The following PRDM1 variants were observed in gnomAD, a reference collection of about 807,000 sequenced individuals.
The protein encoded by PRDM1 is PR domain zinc finger protein 1.
A neutral mutation model predicts 62.8 loss-of-function variants in PRDM1; 13 were observed. That is an observed-to-expected ratio of 0.21 (90% CI 0.13 to 0.33). PRDM1 has a LOEUF of 0.33. Among genes scored for constraint, PRDM1 ranks in the 10% least tolerant of loss-of-function variants. The pLI is 1.00. For missense variants in PRDM1, 895 were observed against 1,058.8 expected (o/e 0.85, Z 2.15); for synonymous variants, 396 against 417.6 (o/e 0.95, Z 0.63).
intron 1 of PRDM1, among the ~76,000 whole-genome samples, chr6:106,075,597 T>C (rs1213624615): frequency 6.6e-6 from 1 of 152,240 alleles, no homozygotes; most frequent in Middle Eastern, 3.2e-3. Context: ...ATCACCCTCA[T>C]TTTTTCACAT....
upstream of PRDM1, among the ~76,000 whole-genome samples, chr6:106,048,422 A>AGT (rs1215866262): frequency 1.3e-5 from 2 of 151,966 alleles, no homozygotes; most frequent in African/African-American, 4.8e-5. Context: ...AAGCAATATG[A>AGT]GTGTGTAGTT....
upstream of PRDM1, among the ~76,000 whole-genome samples, chr6:106,044,348 A>G (rs1202330130): frequency 3.9e-5 from 6 of 152,172 alleles, no homozygotes; most frequent in Non-Finnish European, 5.9e-5. Context: ...AATACTAGGT[A>G]AATTTTGGCA....
At chr6:106,097,711 G>A (rs1448752701) in intron 3 of PRDM1, among the ~76,000 whole-genome samples, 1 of 152,192 alleles carries the variant, frequency 6.6e-6, no homozygotes, top group South Asian at 2.1e-4. Flanking sequence ...GTTTTTAAAT[G>A]AGGATACAGT....
chr6:106,088,530 C>CAGAGGTTTTCAGAGATA, intron 2 of PRDM1, 81 bp downstream of exon 2: 1 of 1,471,756 alleles, frequency 6.8e-7, no homozygotes, highest in Non-Finnish European at 9.4e-7. Context: ...TTGTATATCT[C>CAGAGGTTTTCAGAGATA]TGAAAACCTC....
intron 1 of PRDM1, among the ~76,000 whole-genome samples, chr6:106,012,869 C>T (rs1293635766): frequency 6.6e-6 from 1 of 152,200 alleles, no homozygotes; most frequent in Non-Finnish European, 1.5e-5. Flanking sequence ...TTTAATTTGT[C>T]AGATGGCTGA....
intron 1 of PRDM1, among the ~76,000 whole-genome samples, chr6:106,042,389 T>C (rs1773012026): frequency 6.6e-6 from 1 of 151,042 alleles, no homozygotes; most frequent in African/African-American, 2.4e-5. Context: ...TAGCCGGGCG[T>C]GGTGGTGCAT....
At chr6:106,083,043 G>C (rs1011154987), upstream of PRDM1, among the ~76,000 whole-genome samples, 3 of 152,140 alleles carry the variant, frequency 2.0e-5, no homozygotes, top group East Asian at 1.9e-4. Flanking sequence ...AGTTGAAAAG[G>C]CTGTTAAAGT....
chr6:106,106,597 C>T lies in PRDM1; in HGVS notation c.1902+98C>T. On this transcript the variant is annotated intron_variant, in intron 6 of 6. Transcript: ENST00000369096. The surrounding 1 kb of genome is among the most constrained non-coding windows in gnomAD (Gnocchi z 4.4). ...TATAGCCCGTAGTTAAAGCCAACAC[C>T]AGATTCTGCGTTGTCCCATCCTGGA... 2.0e-6 allele frequency: 3 copies of T among 1,505,502 alleles called. No homozygotes were observed. Among genetic ancestry groups the T allele is most frequent in the Non-Finnish European group, 2.7e-6 (3 of 1,109,430 alleles). The allele number at this position is 1,505,502 out of a possible 1,614,324, so 93.3% of individuals were successfully genotyped here. A position where few individuals can be genotyped will look rare whatever the true frequency, so the allele number is the denominator to read the frequency against.
chr6:105,998,919 ATATATATATATATATTTT>A (rs1295609608), intron 1 of PRDM1, among the ~76,000 whole-genome samples: 18 of 4,786 alleles, frequency 3.8e-3, no homozygotes, highest in Non-Finnish European at 8.2e-3. Flanking sequence ...ATATATATAT[ATATATATATATATATTTT>A]TTTTTTTTTT....
intron 1 of PRDM1, among the ~76,000 whole-genome samples, chr6:105,997,338 G>A (rs575488580): frequency 9.2e-5 from 14 of 152,012 alleles, no homozygotes; most frequent in Middle Eastern, 6.8e-3. Context: ...GAGCTTCTTC[G>A]TGTGTCATGG....
intron 1 of PRDM1, among the ~76,000 whole-genome samples, chr6:106,035,063 T>C (rs1040865734): frequency 1.3e-5 from 2 of 152,236 alleles, no homozygotes; most frequent in African/African-American, 2.4e-5. Flanking sequence ...ATATAATTAG[T>C]TCGTTATGTT....
In PRDM1 at chr6:105,994,364, G is replaced by C. The variant is rs1307856616; in HGVS notation, c.-67+725G>C. On this transcript the variant is annotated intron_variant, in intron 1 of 6. Coordinates refer to the PRDM1 transcript ENST00000652320. The surrounding 1 kb of genome is among the most constrained non-coding windows in gnomAD (Gnocchi z 4.1). ...GGATTGGACTGCATTCGCCTAAATTGCGTAATTAAAAAAAAAAAATACACC... is the reference window on the plus strand; with the variant it reads ...GGATTGGACTGCATTCGCCTAAATTCCGTAATTAAAAAAAAAAAATACACC... Among the ~76,000 whole-genome samples the C allele has an allele frequency of 3.2e-5, 2 of 61,572 alleles. No homozygotes were observed. Among genetic ancestry groups the C allele is most frequent in the Non-Finnish European group, 7.5e-5 (2 of 26,570 alleles). 40.4% of individuals were successfully genotyped at this position (61,572 alleles called of 152,430 possible). A position where few individuals can be genotyped will look rare whatever the true frequency, so the allele number is the denominator to read the frequency against.
chr6:106,086,072 A>T (rs150356200), upstream of PRDM1, among the ~76,000 whole-genome samples: 96 of 152,350 alleles, frequency 6.3e-4, no homozygotes, highest in African/African-American at 2.2e-3. Context: ...CTGCCGCGCC[A>T]GGAAGGAGGG....
intron 1 of PRDM1, among the ~76,000 whole-genome samples, chr6:106,063,976 T>A (rs1390479584): frequency 6.6e-6 from 1 of 152,172 alleles, no homozygotes; most frequent in African/African-American, 2.4e-5. Flanking sequence ...CTGCAAAGGG[T>A]AATAATGCCC....
rs1317403077 is a variant in PRDM1 at position 106,099,388 on chromosome 6, C to T, written c.500C>T (p.Ser167Phe). 1.9e-6 allele frequency: 3 copies of T among 1,614,210 alleles called. No individual in the cohort carries two copies. In the East Asian group the frequency reaches 6.7e-5, roughly 36 times the overall value. Residue 167 changes from serine (S) to phenylalanine (F), a missense_variant, in exon 4 of 7, where the codon TCT becomes TTT. Ser to Phe is a radical substitution (Grantham distance 155). Coordinates refer to ENST00000369096, the MANE Select transcript of PRDM1 (RefSeq NM_001198.4). The part of the protein sequence containing the change: ...NWMRYVNPAH[S>F]PREQNLAACQ... ...ATGCGCTATGTGAATCCAGCACACT[C>T]TCCCCGGGAGCAAAACCTGGCTGCG...
intron 1 of PRDM1, among the ~76,000 whole-genome samples, chr6:106,051,777 G>C (rs1028586361): frequency 6.6e-6 from 1 of 152,168 alleles, no homozygotes; most frequent in African/African-American, 2.4e-5. Context: ...TTTTTGAAAA[G>C]GTGAGTGGAT....
chr6:106,017,042 A>G (rs1255109386), intron 1 of PRDM1, among the ~76,000 whole-genome samples: 1 of 152,236 alleles, frequency 6.6e-6, no homozygotes, highest in Non-Finnish European at 1.5e-5. Flanking sequence ...CAGCCTAGAA[A>G]TGTTGAAAAA....
In PRDM1 at chr6:106,104,943, C is replaced by A. The variant is rs760151010; in HGVS notation, c.783C>A (p.Ser261=). The A allele has an allele frequency of 6.2e-7, 1 of 1,614,122 alleles. No individual in the cohort carries two copies. The highest frequency in any genetic ancestry group is 8.5e-7 in the Non-Finnish European group (1 of 1,180,030). ...TCCTAAAATTGGACTCCAACCCCTC[C>A]AAAGGAAAGGACCTCTACCGTTCTA... ...KEILKLDSNP[S]KGKDLYRSNI... is the part of the protein sequence containing the mutation. Residue 261 remains serine, a synonymous_variant, in exon 5 of 7, where the codon TCC becomes TCA. Transcript: ENST00000369096.
chr6:106,056,464 G>A (rs1233247817), intron 1 of PRDM1, among the ~76,000 whole-genome samples: 2 of 152,182 alleles, frequency 1.3e-5, no homozygotes, highest in African/African-American at 4.8e-5. Flanking sequence ...TATCTGATCT[G>A]CTCCAGTATG....
Sources: allele counts gnomAD v4.1 joint callset (sites outside exome capture counted in the v4.1 genomes callset), GRCh38; gene constraint gnomAD v4.1.1; non-coding constraint Gnocchi (gnomAD v3.1); transcripts MANE v1.5; gene names NCBI Gene and HGNC (gene_info 2026-07-23, HGNC 2026-07-21).